PTPRT: variants seen among roughly 807,000 people sequenced by gnomAD.
PTPRT encodes protein tyrosine phosphatase receptor type T.
PTPRT carries 56 observed loss-of-function variants against 176.8 expected under a neutral mutation model. That is an observed-to-expected ratio of 0.32 (90% confidence interval 0.26 to 0.40). The LOEUF (loss-of-function observed/expected upper bound fraction) is 0.40, where lower values mean the gene tolerates loss of function less well. PTPRT is among the 10% of genes least tolerant of loss of function. PTPRT has a pLI of 1.00. For synonymous variants in PTPRT, 783 were observed against 739.0 expected (o/e 1.06, Z -0.96); for missense variants, 1,540 against 1,908.2 (o/e 0.81, Z 3.60).
At chr20:42,442,211 C>T (rs1430812022) in intron 9 of PTPRT, among the ~76,000 whole-genome samples, 1 of 152,176 alleles carries the variant, frequency 6.6e-6, no homozygotes, top group African/African-American at 2.4e-5. Context: ...TGTCTGTGTT[C>T]AGGCTTTCGT....
intron 2 of PTPRT, among the ~76,000 whole-genome samples, chr20:42,856,269 T>C (rs904885011): frequency 6.6e-6 from 1 of 151,986 alleles, no homozygotes; most frequent in Non-Finnish European, 1.5e-5. Context: ...ATTGGGAAAA[T>C]AGCAAAGGCA....
rs148191884 is a variant in PTPRT at position 42,993,075 on chromosome 20, A to G, written c.89-107143T>C. The stretch of plus-strand genomic sequence containing the variant: ...CAGTCATGAGTTTCAAGGGGAAGGG[A>G]CACAAACTGAGGCATGACGAGCTTC... On this transcript the variant is annotated intron_variant, in intron 1 of 30. Coordinates refer to ENST00000373187, the MANE Select transcript of PTPRT (RefSeq NM_007050.6). 3.9e-3 allele frequency among the ~76,000 whole-genome samples: 589 copies of G among 152,212 alleles called. 3 individuals are homozygous for G. Among genetic ancestry groups the G allele is most frequent in the South Asian group, 0.012 (59 of 4,820 alleles).
intron 16 of PTPRT, among the ~76,000 whole-genome samples, chr20:42,165,592 G>A (rs960689551): frequency 6.6e-6 from 1 of 152,250 alleles, no homozygotes; most frequent in Non-Finnish European, 1.5e-5. Flanking sequence ...CACAACAATG[G>A]AAGTGTTCTA....
At chr20:42,860,774 CT>C (rs1568641691) in intron 2 of PTPRT, among the ~76,000 whole-genome samples, 3 of 152,056 alleles carry the variant, frequency 2.0e-5, no homozygotes, top group African/African-American at 7.2e-5. Flanking sequence ...CATTATTTCT[CT>C]TGGGGTTTTG....
chr20:42,655,861 C>CT (rs1407259118), intron 7 of PTPRT, among the ~76,000 whole-genome samples: 1 of 152,150 alleles, frequency 6.6e-6, no homozygotes, highest in Non-Finnish European at 1.5e-5. Flanking sequence ...GAAAAGTAGT[C>CT]AGGCATAAGG....
intron 19 of PTPRT, among the ~76,000 whole-genome samples, chr20:42,122,833 T>C (rs1987655374): frequency 6.6e-6 from 1 of 152,182 alleles, no homozygotes; most frequent in Non-Finnish European, 1.5e-5. Context: ...GTCATCTGTC[T>C]CCATTTTCAT....
At chr20:42,797,281 G>A (rs1161712209) in intron 2 of PTPRT, among the ~76,000 whole-genome samples, 1 of 152,136 alleles carries the variant, frequency 6.6e-6, no homozygotes, top group African/African-American at 2.4e-5. Flanking sequence ...TGGCATTTGT[G>A]TCAGAAACTG....
At chr20:42,977,886 A>G (rs1983040742) in intron 1 of PTPRT, among the ~76,000 whole-genome samples, 1 of 152,258 alleles carries the variant, frequency 6.6e-6, no homozygotes, top group African/African-American at 2.4e-5. Flanking sequence ...CCCTAAACTA[A>G]TAAATTCGTG....
chr20:42,134,611 A>G (rs1049587706), intron 18 of PTPRT, among the ~76,000 whole-genome samples: 3 of 152,192 alleles, frequency 2.0e-5, no homozygotes, highest in African/African-American at 7.2e-5. Flanking sequence ...GCTTGAGGTC[A>G]AAGACCACTA....
At chr20:43,057,747 T>G (rs1987300499) in intron 1 of PTPRT, among the ~76,000 whole-genome samples, 1 of 152,180 alleles carries the variant, frequency 6.6e-6, no homozygotes, top group Admixed American at 6.5e-5. Context: ...AGGTTCTGAG[T>G]TGGGAAATAT....
intron 19 of PTPRT, among the ~76,000 whole-genome samples, chr20:42,126,815 G>A (rs74388397): frequency 0.01 from 1,587 of 152,330 alleles, 28 homozygotes; most frequent in African/African-American, 0.035. Flanking sequence ...ATGAAGGAAA[G>A]GCTGCTGGCA....
intron 9 of PTPRT, among the ~76,000 whole-genome samples, chr20:42,387,482 G>A (rs1283001198): frequency 6.6e-6 from 1 of 152,230 alleles, no homozygotes; most frequent in Admixed American, 6.5e-5. Context: ...AACTTCAGAA[G>A]TAGAGGTGGG....
intron 9 of PTPRT, among the ~76,000 whole-genome samples, chr20:42,387,192 A>G (rs1421811781): frequency 1.3e-5 from 2 of 152,236 alleles, no homozygotes; most frequent in African/African-American, 2.4e-5. Context: ...GTACCTATAA[A>G]TATCATTCCA....
intron 6 of PTPRT, among the ~76,000 whole-genome samples, chr20:42,733,635 CCCTTCAGTTACTT>C (rs2146270653): frequency 6.6e-6 from 1 of 152,350 alleles, no homozygotes; most frequent in Admixed American, 6.5e-5. Context: ...TTTGAACTCT[CCCTTCAGTTACTT>C]CCTTGCAATC....
At chr20:43,022,190 G>A (rs1174336731) in intron 1 of PTPRT, among the ~76,000 whole-genome samples, 1 of 152,206 alleles carries the variant, frequency 6.6e-6, no homozygotes, top group African/African-American at 2.4e-5. Context: ...TATTGGGTAA[G>A]CAACTAGCAG....
intron 7 of PTPRT, among the ~76,000 whole-genome samples, chr20:42,622,742 T>C (rs1288133615): frequency 6.6e-6 from 1 of 152,140 alleles, no homozygotes; most frequent in African/African-American, 2.4e-5. Flanking sequence ...AAATGCATGT[T>C]AGCCTGGGGT....
chr20:42,823,908 AT>A (rs1241059861), intron 2 of PTPRT, among the ~76,000 whole-genome samples: 1 of 152,046 alleles, frequency 6.6e-6, no homozygotes, highest in Non-Finnish European at 1.5e-5. Context: ...TGCAGTACTG[AT>A]TAAAAAAAAA....
rs1212786916 is a variant in PTPRT at position 42,074,039 on chromosome 20, C to A, written c.*6840G>T. ...AGAGGAGTGACCTGGGTCTAGCAAACTGTGCTTGACTTCATCCAAGAATCT... is the reference window on the plus strand; with the variant it reads ...AGAGGAGTGACCTGGGTCTAGCAAAATGTGCTTGACTTCATCCAAGAATCT... On this transcript the variant is annotated 3_prime_UTR_variant, in exon 31 of 31. Coordinates refer to ENST00000373187, the MANE Select transcript of PTPRT (RefSeq NM_007050.6). 3 of 230,048 alleles carry A rather than the reference C, an allele frequency of 1.3e-5. No homozygotes were observed. The highest frequency in any genetic ancestry group is 1.7e-5 in the Non-Finnish European group (2 of 116,132). 14.3% of individuals were successfully genotyped at this position (230,048 alleles called of 1,614,324 possible).
intron 2 of PTPRT, among the ~76,000 whole-genome samples, chr20:42,802,468 A>C (rs1368437570): frequency 6.6e-6 from 1 of 152,214 alleles, no homozygotes; most frequent in Non-Finnish European, 1.5e-5. Context: ...AATTACCAAG[A>C]ATATAATTAG....
Sources: allele counts gnomAD v4.1 joint callset (sites outside exome capture counted in the v4.1 genomes callset), GRCh38; gene constraint gnomAD v4.1.1; transcripts MANE v1.5; gene names NCBI Gene and HGNC (gene_info 2026-07-23, HGNC 2026-07-21).